SMYD3: variants seen among roughly 807,000 people sequenced by gnomAD.
SMYD3 encodes the protein SET and MYND domain containing 3.
A neutral mutation model predicts 57.7 loss-of-function variants in SMYD3; 36 were observed. That is an observed-to-expected ratio of 0.62 (90% CI 0.48 to 0.82). SMYD3 has a LOEUF of 0.82. Among genes scored for constraint, SMYD3 ranks in the 40% least tolerant of loss-of-function variants. The pLI, the probability that SMYD3 is intolerant of heterozygous loss-of-function variation, is 0.00. For synonymous variants in SMYD3, 211 were observed against 195.0 expected (o/e 1.08, Z -0.68); for missense variants, 515 against 538.8 (o/e 0.96, Z 0.44).
intron 5 of SMYD3, among the ~76,000 whole-genome samples, chr1:246,243,855 C>T (rs963150894): frequency 1.3e-5 from 2 of 151,658 alleles, no homozygotes; most frequent in African/African-American, 4.8e-5. Flanking sequence ...AAAGAAATAA[C>T]ATTCTACACG....
At chr1:245,991,595 C>T (rs1480625069) in intron 5 of SMYD3, among the ~76,000 whole-genome samples, 3 of 152,234 alleles carry the variant, frequency 2.0e-5, no homozygotes, top group African/African-American at 7.2e-5. Context: ...TGCTGGGGAA[C>T]CTCAGTCACT....
intron 1 of SMYD3, among the ~76,000 whole-genome samples, chr1:246,416,163 T>C (rs549687229): frequency 6.6e-6 from 1 of 152,354 alleles, no homozygotes; most frequent in Non-Finnish European, 1.5e-5. Context: ...ATAGTTTTAG[T>C]TTAAACTATG....
intron 5 of SMYD3, among the ~76,000 whole-genome samples, chr1:246,162,472 T>C (rs984520469): frequency 1.3e-5 from 2 of 152,188 alleles, no homozygotes; most frequent in Non-Finnish European, 2.9e-5. Context: ...TTTAAACTAA[T>C]AGAATTGGTG....
chr1:246,285,136 C>G (rs1572337548), intron 5 of SMYD3, among the ~76,000 whole-genome samples: 1 of 152,072 alleles, frequency 6.6e-6, no homozygotes. Flanking sequence ...TCCCCCAGGT[C>G]CCCAAAGTCC....
intron 5 of SMYD3, among the ~76,000 whole-genome samples, chr1:246,098,251 C>T (rs1356300128): frequency 6.6e-6 from 1 of 152,152 alleles, no homozygotes; most frequent in East Asian, 1.9e-4. Flanking sequence ...CATTAATCTG[C>T]CTCTTGCATG....
chr1:245,973,050 T>C (rs890022406), intron 5 of SMYD3, among the ~76,000 whole-genome samples: 4 of 152,314 alleles, frequency 2.6e-5, no homozygotes, highest in Middle Eastern at 3.4e-3. Context: ...ACACCTACCA[T>C]GCAAAGCAGT....
At chr1:246,415,390 C>A (rs566084753) in intron 1 of SMYD3, among the ~76,000 whole-genome samples, 2 of 152,262 alleles carry the variant, frequency 1.3e-5, no homozygotes, top group Middle Eastern at 3.4e-3. Flanking sequence ...GTACTTACCA[C>A]GTCCCAGACT....
intron 5 of SMYD3, among the ~76,000 whole-genome samples, chr1:246,083,300 T>G (rs1558212545): frequency 6.6e-6 from 1 of 152,324 alleles, no homozygotes; most frequent in East Asian, 1.9e-4. Flanking sequence ...GCAGCAATAC[T>G]GCTCTTTAAG....
intron 1 of SMYD3, among the ~76,000 whole-genome samples, chr1:246,494,312 T>C (rs2068323759): frequency 6.6e-6 from 1 of 152,240 alleles, no homozygotes; most frequent in African/African-American, 2.4e-5. Context: ...CAATTAGTTA[T>C]TCCTCCATAG....
At chr1:245,876,066 G>A (rs529228072) in intron 8 of SMYD3, among the ~76,000 whole-genome samples, 10 of 152,296 alleles carry the variant, frequency 6.6e-5, no homozygotes, top group African/African-American at 2.4e-4. Flanking sequence ...ACTCCAGAGG[G>A]CTGCAGAGAG....
intron 1 of SMYD3, among the ~76,000 whole-genome samples, chr1:246,480,063 G>T (rs1391106683): frequency 6.6e-6 from 1 of 152,154 alleles, no homozygotes; most frequent in Admixed American, 6.5e-5. Flanking sequence ...GAAGTTCAAG[G>T]ATCTTTTTTT....
chr1:246,351,047 C>A (rs1375552195), intron 2 of SMYD3, among the ~76,000 whole-genome samples: 1 of 152,166 alleles, frequency 6.6e-6, no homozygotes, highest in Non-Finnish European at 1.5e-5. Context: ...AAGAACCAGC[C>A]TATTAAATCA....
chr1:245,935,492 T>A (rs2056944386), intron 5 of SMYD3, among the ~76,000 whole-genome samples: 1 of 152,160 alleles, frequency 6.6e-6, no homozygotes. Flanking sequence ...GTACAGAAGT[T>A]ACTCGAAAAC....
intron 1 of SMYD3, among the ~76,000 whole-genome samples, chr1:246,397,364 C>T (rs1384611081): frequency 2.0e-5 from 3 of 152,108 alleles, no homozygotes; most frequent in Admixed American, 2.0e-4. Context: ...GAAACCAGTC[C>T]CTGGTGCCAA....
At chr1:245,999,836 C>T (rs1418814666) in intron 5 of SMYD3, among the ~76,000 whole-genome samples, 1 of 152,146 alleles carries the variant, frequency 6.6e-6, no homozygotes, top group African/African-American at 2.4e-5. Context: ...GCACGGAACT[C>T]GAGGTTATAA....
intron 5 of SMYD3, among the ~76,000 whole-genome samples, chr1:246,118,871 G>A (rs2061380844): frequency 6.6e-6 from 1 of 150,802 alleles, no homozygotes; most frequent in South Asian, 2.1e-4. Flanking sequence ...AATGGCTGGA[G>A]CTCCAGCAGC....
intron 5 of SMYD3, among the ~76,000 whole-genome samples, chr1:246,270,762 A>G (rs1402198444): frequency 1.3e-5 from 2 of 152,246 alleles, no homozygotes; most frequent in Non-Finnish European, 2.9e-5. Flanking sequence ...CATTGTGAAT[A>G]GTGCTGCTAT....
At chr1:246,055,341 C>T (rs1367326490) in intron 5 of SMYD3, among the ~76,000 whole-genome samples, 1 of 151,970 alleles carries the variant, frequency 6.6e-6, no homozygotes, top group African/African-American at 2.4e-5. Flanking sequence ...TCTGCAGCCC[C>T]AGGTACTCCT....
At chr1:246,009,525 C>T (rs193292975) in intron 5 of SMYD3, among the ~76,000 whole-genome samples, 2 of 152,136 alleles carry the variant, frequency 1.3e-5, no homozygotes, top group South Asian at 2.1e-4. Flanking sequence ...TACACATACA[C>T]ACACGTACAT....
Sources: gnomAD v4.1 joint callset for allele counts (sites outside exome capture counted in the v4.1 genomes callset) on GRCh38, gnomAD v4.1.1 for gene constraint, MANE v1.5 for transcripts, NCBI Gene and HGNC (gene_info 2026-07-23, HGNC 2026-07-21) for gene names.